Variants in AMN1 observed in about 807,000 individuals in gnomAD.
AMN1 encodes protein AMN1 homolog.
AMN1 carries 20 observed loss-of-function variants against 33.0 expected under a neutral mutation model. The ratio of observed to expected loss-of-function variants is 0.61; its 90% confidence interval spans 0.43 to 0.88. The LOEUF is 0.88. Ranked by LOEUF, AMN1 falls within the 40% of genes least tolerant of loss-of-function variation. The pLI, the probability that AMN1 is intolerant of heterozygous loss-of-function variation, is 0.00. For synonymous variants in AMN1, 114 were observed against 111.9 expected, an observed-to-expected ratio of 1.02 and a Z score of -0.12; for missense variants, 246 against 307.4, an observed-to-expected ratio of 0.80 and a Z score of 1.49.
rs369471800 is a variant in AMN1 at position 31,697,758 on chromosome 12, G to A, written c.516C>T (p.Val172=). ...CATTTACCTGAGTAGCTGAAAAGTC[G>A]ACACACTGCAAAAATGGGCAGTTTT... ...LGKNCPFLQC[V]DFSATQVSDS... The change falls in exon 4 of 7, where the codon GTC becomes GTT. Residue 172 remains valine (V), a synonymous_variant. Transcript: ENST00000281471. 2.0e-5 allele frequency: 33 copies of A among 1,613,734 alleles called. No homozygotes were observed. Among genetic ancestry groups the A allele is most frequent in the Middle Eastern group, 1.6e-4 (1 of 6,084 alleles).
At chr12:31,690,498 C>T (rs566657175) in intron 5 of AMN1, among the ~76,000 whole-genome samples, 13 of 152,210 alleles carry the variant, frequency 8.5e-5, no homozygotes, top group South Asian at 8.3e-4. Flanking sequence ...TTTGCATTTC[C>T]GTAATCACAA....
At chr12:31,673,683 G>A in intron 6 of AMN1, 1 of 413,544 alleles carries the variant, frequency 2.4e-6, no homozygotes, top group South Asian at 1.8e-5. Flanking sequence ...AAAGAAAACT[G>A]CAGACAAGGA....
At chr12:31,715,964 T>A (rs1160351644) in intron 1 of AMN1, among the ~76,000 whole-genome samples, 1 of 152,254 alleles carries the variant, frequency 6.6e-6, no homozygotes, top group African/African-American at 2.4e-5. Context: ...ACAGGTTTCC[T>A]TTTTGTAAGA....
chr12:31,696,115 C>T (rs1163291865), intron 5 of AMN1, among the ~76,000 whole-genome samples: 4 of 151,812 alleles, frequency 2.6e-5, no homozygotes, highest in Non-Finnish European at 5.9e-5. Flanking sequence ...CACATGCCTG[C>T]AGTCCCAGCT....
intron 5 of AMN1, among the ~76,000 whole-genome samples, chr12:31,692,769 T>A (rs1355852987): frequency 6.6e-6 from 1 of 152,148 alleles, no homozygotes; most frequent in Non-Finnish European, 1.5e-5. Context: ...TTCTCTGATA[T>A]GCCAGGATCT....
At chr12:31,702,086 G>T in intron 2 of AMN1, 79 bp from the exon 3 acceptor site, 1 of 1,268,356 alleles carries the variant, frequency 7.9e-7, no homozygotes, top group Non-Finnish European at 1.1e-6. Context: ...GTGTTTTGGT[G>T]GTCATAACAG....
Position 31,672,127 on chromosome 12 carries a change from T to TA in AMN1, c.*176dup. ...ATAGCACTTTAAAGATGTTTAAGAG[T>TA]AAAGCACAAACCATGTATATACCAA... On this transcript the variant is annotated 3_prime_UTR_variant, in exon 7 of 7. Coordinates refer to ENST00000281471, the MANE Select transcript of AMN1 (RefSeq NM_001113402.2). The TA allele has an allele frequency of 5.6e-6, 3 of 538,640 alleles. No homozygotes were observed. The highest frequency in any genetic ancestry group is 9.9e-6 in the Non-Finnish European group (3 of 301,860). 33.4% of individuals were successfully genotyped at this position (538,640 alleles called of 1,614,324 possible).
At chr12:31,723,266 C>T (rs1485932587) in intron 1 of AMN1, among the ~76,000 whole-genome samples, 2 of 152,122 alleles carry the variant, frequency 1.3e-5, no homozygotes, top group Non-Finnish European at 2.9e-5. Flanking sequence ...TAATGTGTTA[C>T]AGTTGTTGAC....
At position 31,697,796 on chromosome 12, in the gene AMN1, G is replaced by A. The variant is rs1244537625; in HGVS notation, c.478C>T (p.His160Tyr). Residue 160 changes from histidine (H) to tyrosine (Y), a missense_variant, in exon 4 of 7, where the codon CAT becomes TAT. Transcript: ENST00000281471. ...GCLSITDVSL[H>Y]ALGKNCPFLQ... Reference sequence around the variant, plus strand: ...AATGGGCAGTTTTTTCCTAATGCATGTAAGGACACATCAGTAATACTTAAG... The same window carrying A: ...AATGGGCAGTTTTTTCCTAATGCATATAAGGACACATCAGTAATACTTAAG... The A allele has an allele frequency of 1.9e-6, 3 of 1,614,010 alleles. No individual in the cohort carries two copies. The highest frequency in any genetic ancestry group is 3.3e-5 in the Admixed American group (2 of 60,016).
rs929532538 is a variant in AMN1, at chr12:31,671,408, A to G, written c.*896T>C. Reference sequence around the variant, plus strand: ...CAGAGGCAAAATAAGAAATCTTTTAAGAAAATCTCAAGACTGGCTCATGGC... The same window carrying G: ...CAGAGGCAAAATAAGAAATCTTTTAGGAAAATCTCAAGACTGGCTCATGGC... On this transcript the variant is annotated 3_prime_UTR_variant, in exon 7 of 7. Transcript: ENST00000281471. 7 of 152,214 alleles carry G rather than the reference A, an allele frequency of 4.6e-5. No individual in the cohort carries two copies. The highest frequency in any genetic ancestry group is 1.0e-4 in the Non-Finnish European group (7 of 68,042). The allele number at this position is 152,214 out of a possible 1,614,324, so 9.4% of individuals were successfully genotyped here.
intron 1 of AMN1, among the ~76,000 whole-genome samples, chr12:31,713,074 A>AG (rs1253265636): frequency 6.6e-6 from 1 of 152,204 alleles, no homozygotes; most frequent in East Asian, 1.9e-4. Flanking sequence ...ATCATAGGGT[A>AG]GTTCCATTTT....
chr12:31,709,257 A>G (rs1939374100), intron 2 of AMN1, 36 bp downstream of exon 2: 2 of 1,605,018 alleles, frequency 1.2e-6, no homozygotes, highest in Admixed American at 1.7e-5. Flanking sequence ...AACAGAAAAT[A>G]TAATATGCTT....
chr12:31,678,631 A>G (rs2139654351), intron 6 of AMN1, among the ~76,000 whole-genome samples: 2 of 152,234 alleles, frequency 1.3e-5, no homozygotes, highest in African/African-American at 4.8e-5. Context: ...TCCTGACCTT[A>G]TGATCCGCCC....
intron 2 of AMN1, chr12:31,708,763 G>A (rs374079153): frequency 1.1e-4 from 18 of 169,786 alleles, no homozygotes; most frequent in South Asian, 2.6e-4. Context: ...CAGACCAGCC[G>A]ACACTTAGGA....
chr12:31,715,026 T>A (rs1939615531), intron 1 of AMN1: 2 of 430,964 alleles, frequency 4.6e-6, no homozygotes, highest in Middle Eastern at 1.1e-3. Context: ...AAGAAGCCAC[T>A]ACATACTCTT....
chr12:31,708,295 C>A (rs1490913800), intron 2 of AMN1, among the ~76,000 whole-genome samples: 4 of 152,034 alleles, frequency 2.6e-5, no homozygotes, highest in Non-Finnish European at 5.9e-5. Context: ...TATAAATGGC[C>A]ACTCTGGGAG....
chr12:31,672,397 CA>C lies in AMN1; in HGVS notation c.704-21del, dbSNP rs1951295856. On this transcript the variant is annotated intron_variant, in intron 6 of 6. Transcript: ENST00000281471. Reference sequence around the variant, plus strand: ...AATGATCTATAAAAGAAAACAATGACAATATATTAATTGACAATAAAAAATG... The same window carrying C: ...AATGATCTATAAAAGAAAACAATGACATATATTAATTGACAATAAAAAATG... The C allele has an allele frequency of 1.2e-5, 18 of 1,513,266 alleles. No individual in the cohort carries two copies. The highest frequency in any genetic ancestry group is 1.4e-5 in the African/African-American group (1 of 72,334). 93.7% of individuals were successfully genotyped at this position (1,513,266 alleles called of 1,614,324 possible).
chr12:31,684,819 T>C (rs1938181209), intron 6 of AMN1, among the ~76,000 whole-genome samples: 1 of 152,062 alleles, frequency 6.6e-6, no homozygotes, highest in African/African-American at 2.4e-5. Context: ...TGGGGTCTAT[T>C]TGAAAAATAC....
Position 31,687,346 on chromosome 12 carries a change from A to G in AMN1, c.703+1661T>C, listed in dbSNP as rs1159643928. ...TGTCAAAGGGACTTCCTAAAAATAA[A>G]AGAGAAGTTGTCAAAGGGACTTCCA... On this transcript the variant is annotated intron_variant, in intron 6 of 6. Transcript: ENST00000281471. The surrounding 1 kb of genome is among the most constrained non-coding windows in gnomAD (Gnocchi z 4.1). Among the ~76,000 whole-genome samples the G allele has an allele frequency of 6.6e-6, 1 of 152,178 alleles. No individual in the cohort carries two copies. The highest frequency in any genetic ancestry group is 1.5e-5 in the Non-Finnish European group (1 of 68,010).
Sources: gnomAD v4.1 joint callset for allele counts (sites outside exome capture counted in the v4.1 genomes callset) on GRCh38, gnomAD v4.1.1 for gene constraint, Gnocchi (gnomAD v3.1) non-coding constraint, MANE v1.5 for transcripts, NCBI Gene and HGNC (gene_info 2026-07-23, HGNC 2026-07-21) for gene names.